Variants in YWHAE observed in about 807,000 individuals in gnomAD.
The protein encoded by YWHAE is tyrosine 3-monooxygenase/tryptophan 5-monooxygenase activation protein epsilon.
A neutral mutation model predicts 30.1 loss-of-function variants in YWHAE; 4 were observed. That is an observed-to-expected ratio of 0.13 (90% CI 0.07 to 0.30). The LOEUF is 0.30. YWHAE is among the 10% of genes least tolerant of loss of function. YWHAE has a pLI of 1.00. For missense variants in YWHAE, 121 were observed against 315.9 expected, an observed-to-expected ratio of 0.38 and a Z score of 4.68; for synonymous variants, 118 against 111.8, an observed-to-expected ratio of 1.06 and a Z score of -0.35.
intron 5 of YWHAE, among the ~76,000 whole-genome samples, chr17:1,346,773 T>G (rs1208357977): frequency 2.0e-5 from 3 of 151,142 alleles, no homozygotes; most frequent in Admixed American, 2.0e-4. Context: ...GATCACGAGG[T>G]CAGAAGATCA....
At position 1,354,480 on chromosome 17, in the gene YWHAE, AAATAC is replaced by A. The variant is rs1178981188; in HGVS notation, c.579-138_579-134del. The A allele has an allele frequency of 4.4e-5, 39 of 890,170 alleles. 2 individuals are homozygous for A. The African/African-American group carries it at 5.7e-4, about 13-fold the overall frequency. The allele number at this position is 890,170 out of a possible 1,614,324, so 55.1% of individuals were successfully genotyped here. A position where few individuals can be genotyped will look rare whatever the true frequency, so the allele number is the denominator to read the frequency against. On this transcript the variant is annotated intron_variant, in intron 4 of 5. Transcript: ENST00000264335. ...CACAATGATAATGCAAAGAAAAAGC[AAATAC>A]AATAAAAATTAACTTAAAGGTATGT...
chr17:1,346,621 G>A (rs996391794), intron 5 of YWHAE, among the ~76,000 whole-genome samples: 24 of 152,286 alleles, frequency 1.6e-4, no homozygotes, highest in Admixed American at 1.4e-3. Flanking sequence ...CGGCGGAAAC[G>A]CTTGACATTG....
chr17:1,376,323 AGAAC>A (rs1421480395), intron 1 of YWHAE, among the ~76,000 whole-genome samples: 1 of 152,212 alleles, frequency 6.6e-6, no homozygotes. Flanking sequence ...CATGAGAGAA[AGAAC>A]GAAGACAGAA....
intron 2 of YWHAE, 52 bp from the exon 3 acceptor site, chr17:1,362,060 AATT>A (rs1448345053): frequency 6.3e-6 from 7 of 1,110,468 alleles, no homozygotes; most frequent in Non-Finnish European, 8.8e-6. Context: ...AAATTCTACA[AATT>A]ATTACATATT....
At chr17:1,381,548 AC>A (rs1432357589) in intron 1 of YWHAE, among the ~76,000 whole-genome samples, 2 of 151,930 alleles carry the variant, frequency 1.3e-5, no homozygotes, top group Non-Finnish European at 2.9e-5. Context: ...TAAATAAAAC[AC>A]GAAAGGCTCA....
intron 1 of YWHAE, among the ~76,000 whole-genome samples, chr17:1,376,398 G>GAC (rs2073125464): frequency 1.4e-5 from 1 of 72,194 alleles, no homozygotes; most frequent in African/African-American, 4.4e-5. Context: ...AAGAAAGAGA[G>GAC]AGAAAGAAAG....
intron 1 of YWHAE, among the ~76,000 whole-genome samples, chr17:1,388,344 G>A (rs1417310554): frequency 1.3e-4 from 20 of 150,934 alleles, no homozygotes; most frequent in African/African-American, 4.1e-4. Flanking sequence ...GTGAAACCCC[G>A]TCTCTACTAA....
intron 5 of YWHAE, among the ~76,000 whole-genome samples, chr17:1,352,833 G>GA (rs1337143764): frequency 6.6e-6 from 1 of 151,998 alleles, no homozygotes; most frequent in Non-Finnish European, 1.5e-5. Flanking sequence ...CACAGCCTTA[G>GA]AAACATTCTT....
chr17:1,370,398 TG>T (rs2073019407), intron 1 of YWHAE, among the ~76,000 whole-genome samples: 1 of 151,970 alleles, frequency 6.6e-6, no homozygotes, highest in Non-Finnish European at 1.5e-5. Context: ...CCCAAAGTGC[TG>T]GGATTACAGG....
chr17:1,347,450 C>A (rs543238423), intron 5 of YWHAE, among the ~76,000 whole-genome samples: 2 of 150,156 alleles, frequency 1.3e-5, no homozygotes, highest in Admixed American at 1.3e-4. Flanking sequence ...CCACTGCACT[C>A]CAGGCGGGGC....
At chr17:1,348,971 A>G (rs975097991) in intron 5 of YWHAE, among the ~76,000 whole-genome samples, 16 of 151,524 alleles carry the variant, frequency 1.1e-4, no homozygotes, top group Admixed American at 4.0e-4. Context: ...GTTTGCAGTG[A>G]GCCAAGATAG....
chr17:1,352,528 TC>T (rs1306076517), intron 5 of YWHAE, among the ~76,000 whole-genome samples: 1 of 147,786 alleles, frequency 6.8e-6, no homozygotes, highest in Non-Finnish European at 1.5e-5. Flanking sequence ...AAACGTTATC[TC>T]TTTTTTTTTT....
chr17:1,349,773 CG>C (rs1164371437), intron 5 of YWHAE, among the ~76,000 whole-genome samples: 1 of 151,228 alleles, frequency 6.6e-6, no homozygotes, highest in Middle Eastern at 3.2e-3. Context: ...CCACCACGCC[CG>C]GGTAATTTTT....
chr17:1,388,101 GTTT>G (rs1291752445), intron 1 of YWHAE, among the ~76,000 whole-genome samples: 12 of 62,390 alleles, frequency 1.9e-4, no homozygotes, highest in African/African-American at 8.6e-4. Flanking sequence ...GGTAATTTTT[GTTT>G]TTTTTTTTGG....
chr17:1,387,406 T>A (rs1393334677), intron 1 of YWHAE, among the ~76,000 whole-genome samples: 2 of 152,112 alleles, frequency 1.3e-5, no homozygotes, highest in Admixed American at 1.3e-4. Flanking sequence ...AACAGGTAGA[T>A]CAAAGTCTGA....
At chr17:1,398,571 G>C (rs530337347) in intron 1 of YWHAE, among the ~76,000 whole-genome samples, 5 of 152,056 alleles carry the variant, frequency 3.3e-5, no homozygotes, top group African/African-American at 9.6e-5. Flanking sequence ...ATTTTAATTA[G>C]GAAAAAAATC....
rs112066507 is a variant in YWHAE, at chr17:1,345,168, G to A, written c.*279C>T. 9 of 452,336 alleles carry A rather than the reference G, an allele frequency of 2.0e-5. No homozygotes were observed. Among genetic ancestry groups the A allele is most frequent in the Admixed American group, 7.9e-5 (2 of 25,430 alleles). 28.0% of individuals were successfully genotyped at this position (452,336 alleles called of 1,614,324 possible). ...ATCTTGCCACATCTGGCACGGAGACGACACAGTAATGCTGAAAAAGCCTCT... is the reference window on the plus strand; with the variant it reads ...ATCTTGCCACATCTGGCACGGAGACAACACAGTAATGCTGAAAAAGCCTCT... On this transcript the variant is annotated 3_prime_UTR_variant, in exon 6 of 6. Coordinates refer to ENST00000264335, the MANE Select transcript of YWHAE (RefSeq NM_006761.5).
In YWHAE at chr17:1,354,964, GTTTTTTTTTTT is replaced by G. The variant is rs56351171; in HGVS notation, c.579-628_579-618del. On this transcript the variant is annotated intron_variant, in intron 4 of 5. Coordinates refer to ENST00000264335, the MANE Select transcript of YWHAE (RefSeq NM_006761.5). ...GGCGTGAGCCACCGCGCCCAGCCTA[GTTTTTTTTTTT>G]TTTTTTTTTTTTTTTTTTTTTTAAG... is the stretch of plus-strand genomic sequence containing the variant. Among the ~76,000 whole-genome samples the G allele has an allele frequency of 2.9e-3, 220 of 74,738 alleles. 1 individual carries two copies. The highest frequency in any genetic ancestry group is 0.011 in the East Asian group (14 of 1,236). 49.0% of individuals were successfully genotyped at this position (74,738 alleles called of 152,430 possible).
At chr17:1,383,528 A>C (rs1033804762) in intron 1 of YWHAE, among the ~76,000 whole-genome samples, 4 of 150,160 alleles carry the variant, frequency 2.7e-5, no homozygotes, top group Admixed American at 6.7e-5. Context: ...AGATGGGATT[A>C]CAGGCACGTG....
Sources: allele counts gnomAD v4.1 joint callset (sites outside exome capture counted in the v4.1 genomes callset), GRCh38; gene constraint gnomAD v4.1.1; transcripts MANE v1.5; gene names NCBI Gene and HGNC (gene_info 2026-07-23, HGNC 2026-07-21).